SPRY3: variants seen among roughly 807,000 people sequenced by gnomAD.
SPRY3 encodes sprouty RTK signaling antagonist 3.
SPRY3 carries 15 observed loss-of-function variants against 20.2 expected under a neutral mutation model. The ratio of observed to expected loss-of-function variants is 0.74; its 90% CI spans 0.50 to 1.14. SPRY3 has a LOEUF of 1.14. SPRY3 is among the 50% of genes most tolerant of loss of function. The pLI, the probability that SPRY3 is intolerant of heterozygous loss-of-function variation, is 0.00. For synonymous variants in SPRY3, 143 were observed against 136.5 expected, an observed-to-expected ratio of 1.05 and a Z score of -0.33; for missense variants, 364 against 363.9, an observed-to-expected ratio of 1.00 and a Z score of 0.00.
intron 1 of SPRY3, among the ~76,000 whole-genome samples, chrX:155,618,157 G>T (rs1557349094): frequency 8.9e-6 from 1 of 111,843 alleles, no homozygotes; most frequent in African/African-American, 3.2e-5. Context: ...TTCTCATGCT[G>T]CCCCTTTATA....
intron 2 of SPRY3, among the ~76,000 whole-genome samples, chrX:155,751,943 TAAAATAAAATAAAATAAA>T (rs1569395611): frequency 1.9e-5 from 1 of 53,270 alleles, no homozygotes. Context: ...TAAAATAAAA[TAAAATAAAATAAAATAAA>T]ATAAAATAAA....
chrX:155,780,297 A>G (rs2091455767), downstream of SPRY3: 1 of 166,918 alleles, frequency 6.0e-6, no homozygotes, highest in Admixed American at 6.6e-5. Flanking sequence ...AACTAACTAA[A>G]CTGCTGAACA....
At chrX:155,737,428 A>G (rs1227551618) in intron 2 of SPRY3, among the ~76,000 whole-genome samples, 4 of 152,166 alleles carry the variant, frequency 2.6e-5, no homozygotes, top group African/African-American at 9.6e-5. Flanking sequence ...GCAGACAAGT[A>G]AACAGACAAC....
intron 1 of SPRY3, among the ~76,000 whole-genome samples, chrX:155,641,633 C>T (rs2067941188): frequency 8.7e-6 from 1 of 115,069 alleles, no homozygotes; most frequent in African/African-American, 3.1e-5. Context: ...GTTACCAGAG[C>T]GAGAAACAAA....
At chrX:155,672,840 A>G (rs1255074313) in intron 2 of SPRY3, among the ~76,000 whole-genome samples, 1 of 104,008 alleles carries the variant, frequency 9.6e-6, no homozygotes, top group African/African-American at 3.5e-5. Flanking sequence ...GATAGACTGG[A>G]TTAAGAAAAT....
At chrX:155,643,631 T>C (rs1557351609) in intron 1 of SPRY3, among the ~76,000 whole-genome samples, 1 of 111,637 alleles carries the variant, frequency 9.0e-6, no homozygotes, top group African/African-American at 3.3e-5. Context: ...GTCCATTGTA[T>C]GGTTTTGTAT....
At chrX:155,764,796 A>G (rs2091318161) in intron 2 of SPRY3, among the ~76,000 whole-genome samples, 1 of 152,204 alleles carries the variant, frequency 6.6e-6, no homozygotes, top group African/African-American at 2.4e-5. Context: ...TTTTCCTGCA[A>G]TAAGTGACTG....
At chrX:155,768,241 G>C (rs2091356244) in intron 3 of SPRY3, 105 bp downstream of exon 2, 1 of 38 alleles carries the variant, frequency 0.026, no homozygotes, top group South Asian at 0.5. Context: ...GTGCGTGTGT[G>C]TGCCGCGCGC....
At chrX:155,736,954 C>G in intron 2 of SPRY3, among the ~76,000 whole-genome samples, 1 of 152,088 alleles carries the variant, frequency 6.6e-6, no homozygotes, top group South Asian at 2.1e-4. Context: ...TGATCTTTTC[C>G]TGGACCATGT....
At chrX:155,712,022 CTTG>C (rs976504065) in intron 2 of SPRY3, among the ~76,000 whole-genome samples, 18 of 151,600 alleles carry the variant, frequency 1.2e-4, no homozygotes, top group Non-Finnish European at 1.5e-4. Flanking sequence ...CAAAATTTCT[CTTG>C]TTATTTATTT....
chrX:155,722,611 G>A (rs1441282821), intron 2 of SPRY3, among the ~76,000 whole-genome samples: 1 of 150,062 alleles, frequency 6.7e-6, no homozygotes, highest in African/African-American at 2.4e-5. Flanking sequence ...AGGAAAGAAG[G>A]ATGAGAACAT....
At chrX:155,649,557 T>G (rs1005570291) in intron 1 of SPRY3, among the ~76,000 whole-genome samples, 4 of 111,313 alleles carry the variant, frequency 3.6e-5, no homozygotes, top group Non-Finnish European at 5.7e-5. Context: ...AAGCCTTCAA[T>G]AAAATTCAAC....
intron 2 of SPRY3, among the ~76,000 whole-genome samples, chrX:155,712,022 CTT>C (rs1348626084): frequency 1.3e-5 from 2 of 151,600 alleles, no homozygotes; most frequent in Non-Finnish European, 3.0e-5. Context: ...CAAAATTTCT[CTT>C]GTTATTTATT....
intron 1 of SPRY3, among the ~76,000 whole-genome samples, chrX:155,638,421 G>T (rs2124534778): frequency 1.0e-5 from 1 of 97,895 alleles, no homozygotes; most frequent in East Asian, 3.3e-4. Flanking sequence ...GTACTGCTCT[G>T]CAGTGCCACC....
intron 2 of SPRY3, among the ~76,000 whole-genome samples, chrX:155,747,554 C>A (rs187693322): frequency 6.6e-6 from 1 of 151,952 alleles, no homozygotes; most frequent in East Asian, 1.9e-4. Context: ...AAGCTACCAG[C>A]CCTATGCAGT....
intron 2 of SPRY3, among the ~76,000 whole-genome samples, chrX:155,713,177 TG>T (rs1167196640): frequency 1.3e-5 from 2 of 152,056 alleles, no homozygotes; most frequent in African/African-American, 4.8e-5. Context: ...TGTGCCATGG[TG>T]GTTTGCTGCA....
At chrX:155,659,947 A>G (rs1217451921) in intron 2 of SPRY3, among the ~76,000 whole-genome samples, 1 of 111,652 alleles carries the variant, frequency 9.0e-6, no homozygotes, top group Non-Finnish European at 1.9e-5. Context: ...CTAGCAGTCC[A>G]TCAATTTTGC....
chrX:155,622,507 T>C (rs781931491), intron 1 of SPRY3, among the ~76,000 whole-genome samples: 11 of 111,735 alleles, frequency 9.8e-5, no homozygotes, highest in Non-Finnish European at 2.1e-4. Context: ...ATCCTATCTA[T>C]TGGAGCCATG....
At chrX:155,727,616 A>G (rs1394848922) in intron 2 of SPRY3, among the ~76,000 whole-genome samples, 1 of 152,002 alleles carries the variant, frequency 6.6e-6, no homozygotes, top group African/African-American at 2.4e-5. Context: ...TGCATTCCTC[A>G]CGAAGTTCTC....
Sources: allele counts gnomAD v4.1 joint callset (sites outside exome capture counted in the v4.1 genomes callset), GRCh38; gene constraint gnomAD v4.1.1; transcripts MANE v1.5; gene names NCBI Gene and HGNC (gene_info 2026-07-23, HGNC 2026-07-21).